Variants in SAMD12 observed in about 807,000 individuals in gnomAD.
SAMD12 encodes the protein sterile alpha motif domain containing 12, also known as sterile alpha motif domain-containing protein 12.
A neutral mutation model predicts 15.0 loss-of-function variants in SAMD12; 9 were observed. The observed-to-expected ratio is 0.60, with a 90% CI of 0.36 to 1.05. The LOEUF (loss-of-function observed/expected upper bound fraction) is 1.05, where lower values mean the gene tolerates loss of function less well. Ranked by LOEUF, SAMD12 falls within the 50% of genes least tolerant of loss-of-function variation. The probability of loss-of-function intolerance (pLI) is 0.01; values close to 1 mark genes in which losing one functional copy is unlikely to be tolerated. For missense variants in SAMD12, 230 were observed against 234.2 expected, an observed-to-expected ratio of 0.98 and a Z score of 0.12; for synonymous variants, 86 against 90.1, an observed-to-expected ratio of 0.96 and a Z score of 0.25.
chr8:118,165,445 G>A, the SAMD12 span, among the ~76,000 whole-genome samples: 10 of 151,502 alleles, frequency 6.6e-5, no homozygotes, highest in South Asian at 4.2e-4. Context: ...TAGTAGAGAC[G>A]GGGTTTCACC....
At chr8:118,229,598 T>A (rs1483012993) in intron 4 of SAMD12, among the ~76,000 whole-genome samples, 1 of 152,206 alleles carries the variant, frequency 6.6e-6, no homozygotes, top group South Asian at 2.1e-4. Flanking sequence ...TTGGCTCCTA[T>A]GGTGTTGACT....
At chr8:118,566,370 A>G (rs1826848259) in intron 2 of SAMD12, among the ~76,000 whole-genome samples, 1 of 152,018 alleles carries the variant, frequency 6.6e-6, no homozygotes, top group African/African-American at 2.4e-5. Context: ...AGTTTTTCAA[A>G]CCTCAGTTGG....
chr8:118,562,227 A>G (rs1826722323), intron 2 of SAMD12, among the ~76,000 whole-genome samples: 1 of 152,146 alleles, frequency 6.6e-6, no homozygotes, highest in South Asian at 2.1e-4. Context: ...TAATTGTAGC[A>G]CATCCAAGTG....
the SAMD12 span, among the ~76,000 whole-genome samples, chr8:118,154,177 A>G: frequency 1.5e-5 from 2 of 131,592 alleles, no homozygotes; most frequent in Admixed American, 7.5e-5. Flanking sequence ...CACACATACA[A>G]TAAAGAATAA....
chr8:118,392,621 G>A (rs563943702), intron 3 of SAMD12, among the ~76,000 whole-genome samples: 47 of 152,312 alleles, frequency 3.1e-4, no homozygotes, highest in Non-Finnish European at 6.0e-4. Context: ...TAATGATAGA[G>A]GGGTAAAAAG....
At chr8:118,200,642 A>T (rs1819689863) in intron 4 of SAMD12, among the ~76,000 whole-genome samples, 1 of 152,086 alleles carries the variant, frequency 6.6e-6, no homozygotes, top group Non-Finnish European at 1.5e-5. Flanking sequence ...AAATCTTTCC[A>T]TGGTAGTCAG....
At chr8:118,241,035 C>A (rs1242225651) in intron 4 of SAMD12, among the ~76,000 whole-genome samples, 1 of 152,168 alleles carries the variant, frequency 6.6e-6, no homozygotes, top group Non-Finnish European at 1.5e-5. Flanking sequence ...ACCACCTGAC[C>A]CCCAGCTCAT....
chr8:118,418,959 G>A (rs911149370), intron 3 of SAMD12, among the ~76,000 whole-genome samples: 3 of 152,058 alleles, frequency 2.0e-5, no homozygotes, highest in East Asian at 1.9e-4. Context: ...CTAATTAAAG[G>A]TAACAATTTC....
chr8:118,372,420 G>T (rs1333298643), intron 4 of SAMD12, among the ~76,000 whole-genome samples: 1 of 133,570 alleles, frequency 7.5e-6, no homozygotes, highest in African/African-American at 3.0e-5. Context: ...CAAAGATGCA[G>T]TATTTTTTTT....
At chr8:118,468,645 G>A (rs905706103) in intron 2 of SAMD12, among the ~76,000 whole-genome samples, 10 of 151,862 alleles carry the variant, frequency 6.6e-5, no homozygotes, top group Non-Finnish European at 1.3e-4. Flanking sequence ...ACAGCTGTTC[G>A]AATGAGTTCA....
intron 4 of SAMD12, among the ~76,000 whole-genome samples, chr8:118,220,728 C>A (rs762127195): frequency 2.0e-5 from 3 of 152,172 alleles, no homozygotes; most frequent in Non-Finnish European, 4.4e-5. Context: ...ACAGACTTGA[C>A]AGTTTCTTCA....
intron 4 of SAMD12, among the ~76,000 whole-genome samples, chr8:118,223,843 C>T (rs1042832689): frequency 6.6e-6 from 1 of 152,260 alleles, no homozygotes; most frequent in Admixed American, 6.5e-5. Flanking sequence ...TCTTGTTTTT[C>T]TTGCAAGGTT....
chr8:118,393,069 CA>C (rs1820368927), intron 3 of SAMD12, among the ~76,000 whole-genome samples: 1 of 152,182 alleles, frequency 6.6e-6, no homozygotes, highest in African/African-American at 2.4e-5. Context: ...AAAAATCACC[CA>C]CTATATGTCA....
intron 4 of SAMD12, among the ~76,000 whole-genome samples, chr8:118,337,201 AG>A (rs201795795): frequency 2.4e-4 from 37 of 152,062 alleles, no homozygotes; most frequent in African/African-American, 8.7e-4. Context: ...TAAAAAAAAA[AG>A]AGAAATTTTC....
At chr8:118,338,885 A>G (rs1817211432) in intron 4 of SAMD12, among the ~76,000 whole-genome samples, 1 of 152,212 alleles carries the variant, frequency 6.6e-6, no homozygotes, top group Non-Finnish European at 1.5e-5. Flanking sequence ...AATGTTAATC[A>G]ACACTCCGTA....
In SAMD12 at chr8:118,562,365, A is replaced by T. The variant is rs151298182; in HGVS notation, c.192+18350T>A. On this transcript the variant is annotated intron_variant, in intron 2 of 3. Coordinates refer to ENST00000314727, the MANE Select transcript of SAMD12 (RefSeq NM_207506.3). Reference sequence around the variant, plus strand: ...GGGGAATAGTAAGAAACACCAGAAGAGGGGTGCTGAAAGGCTCAGAAGTCA... The same window carrying T: ...GGGGAATAGTAAGAAACACCAGAAGTGGGGTGCTGAAAGGCTCAGAAGTCA... 2.0e-5 allele frequency among the ~76,000 whole-genome samples: 3 copies of T among 152,276 alleles called. No individual in the cohort carries two copies. In the East Asian group the frequency reaches 5.8e-4, roughly 29 times the overall value.
chr8:118,447,851 G>A (rs1044301681), intron 2 of SAMD12, among the ~76,000 whole-genome samples: 1 of 151,570 alleles, frequency 6.6e-6, no homozygotes, highest in African/African-American at 2.4e-5. Flanking sequence ...TAAGCCTCCC[G>A]AGTAGCTGGG....
At chr8:118,161,165 T>C in the SAMD12 span, among the ~76,000 whole-genome samples, 1 of 152,236 alleles carries the variant, frequency 6.6e-6, no homozygotes, top group Non-Finnish European at 1.5e-5. Context: ...GGTGTATATG[T>C]GCCACATTTT....
chr8:118,220,216 AG>A (rs1215034379), intron 4 of SAMD12, among the ~76,000 whole-genome samples: 1 of 152,212 alleles, frequency 6.6e-6, no homozygotes, highest in Non-Finnish European at 1.5e-5. Flanking sequence ...TGGTGTGTAC[AG>A]TTCCATCGTC....
Sources: allele counts gnomAD v4.1 joint callset (sites outside exome capture counted in the v4.1 genomes callset), GRCh38; gene constraint gnomAD v4.1.1; transcripts MANE v1.5; gene names NCBI Gene and HGNC (gene_info 2026-07-23, HGNC 2026-07-21).